The following AGMO variants were observed in gnomAD, a reference collection of about 807,000 sequenced individuals.
AGMO encodes glyceryl-ether monooxygenase.
Under a neutral mutation model 60.2 loss-of-function variants are expected in AGMO, and 75 were observed. That is an observed-to-expected ratio of 1.25 (90% CI 1.03 to 1.51). The LOEUF is 1.51. Ranked by LOEUF, AGMO falls within the 40% of genes most tolerant of loss-of-function variation. AGMO has a pLI of 0.00. For synonymous variants in AGMO, 261 were observed against 177.1 expected, an observed-to-expected ratio of 1.47 and a Z score of -3.76; for missense variants, 763 against 525.5, an observed-to-expected ratio of 1.45 and a Z score of -4.42.
intron 12 of AGMO, among the ~76,000 whole-genome samples, chr7:15,340,707 A>G (rs1241523612): frequency 6.6e-6 from 1 of 152,188 alleles, no homozygotes; most frequent in African/African-American, 2.4e-5. Flanking sequence ...ACCTCCACCT[A>G]GATTTCAGAG....
chr7:15,388,988 G>A (rs1212751207), intron 8 of AGMO, among the ~76,000 whole-genome samples: 1 of 152,146 alleles, frequency 6.6e-6, no homozygotes, highest in Non-Finnish European at 1.5e-5. Context: ...GTGATTTTCT[G>A]ACCACCATTC....
chr7:15,530,635 TATTTCTATATATATATTCTATATAC>T, intron 3 of AGMO, among the ~76,000 whole-genome samples: 2 of 138,026 alleles, frequency 1.4e-5, no homozygotes, highest in African/African-American at 5.2e-5. Context: ...TCTATATACG[TATTTCTATATATATATTCTATATAC>T]GTATTTCTAT....
intron 12 of AGMO, among the ~76,000 whole-genome samples, chr7:15,270,596 A>ATTTTTTTTT (rs527463907): frequency 7.7e-4 from 37 of 48,048 alleles, no homozygotes; most frequent in Admixed American, 1.1e-3. Flanking sequence ...TCTGTTGATA[A>ATTTTTTTTT]TTTTTTTTTT....
intron 4 of AGMO, among the ~76,000 whole-genome samples, chr7:15,430,279 A>G (rs911358096): frequency 5.3e-5 from 8 of 152,038 alleles, no homozygotes; most frequent in African/African-American, 1.9e-4. Context: ...AATATTAAGT[A>G]TGTATGATTA....
At chr7:15,546,872 T>C (rs573205847) in intron 2 of AGMO, among the ~76,000 whole-genome samples, 1 of 152,324 alleles carries the variant, frequency 6.6e-6, no homozygotes, top group Non-Finnish European at 1.5e-5. Context: ...CTGCTGACAT[T>C]TGGACAGGAT....
chr7:15,306,484 C>A (rs984266439), intron 12 of AGMO: 14 of 469,034 alleles, frequency 3.0e-5, no homozygotes, highest in African/African-American at 2.8e-4. Flanking sequence ...TGGTTTCCAG[C>A]TGTGAGACAG....
chr7:15,461,302 A>T (rs1004897888), intron 3 of AGMO, among the ~76,000 whole-genome samples: 7 of 151,676 alleles, frequency 4.6e-5, no homozygotes, highest in Non-Finnish European at 1.0e-4. Flanking sequence ...TTCCATATGT[A>T]AAAAAAACTT....
chr7:15,193,533 C>T, the AGMO span, among the ~76,000 whole-genome samples: 1 of 152,132 alleles, frequency 6.6e-6, no homozygotes. Context: ...AGAGTTAAAT[C>T]TCACTTGAAG....
chr7:15,197,053 GTTGT>G (rs969009965), downstream of AGMO, among the ~76,000 whole-genome samples: 25 of 151,486 alleles, frequency 1.7e-4, no homozygotes, highest in East Asian at 1.9e-4. Context: ...GTTTTTTGTT[GTTGT>G]TTTTTTTTTC....
At chr7:15,118,093 A>C in the AGMO span, among the ~76,000 whole-genome samples, 1 of 151,818 alleles carries the variant, frequency 6.6e-6, no homozygotes, top group Non-Finnish European at 1.5e-5. Flanking sequence ...TTGACCAACT[A>C]AATATCAATA....
intron 10 of AGMO, among the ~76,000 whole-genome samples, chr7:15,382,575 T>A (rs970938148): frequency 1.3e-5 from 2 of 152,184 alleles, no homozygotes; most frequent in African/African-American, 4.8e-5. Context: ...GTAGAAGTAT[T>A]GAATTTGCTG....
At chr7:15,404,820 C>A (rs970326722) in intron 5 of AGMO, among the ~76,000 whole-genome samples, 2 of 151,870 alleles carry the variant, frequency 1.3e-5, no homozygotes, top group South Asian at 4.1e-4. Flanking sequence ...TGCCAACCGA[C>A]TATGTGCCTG....
the AGMO span, among the ~76,000 whole-genome samples, chr7:15,165,189 T>C: frequency 3.3e-5 from 5 of 152,180 alleles, no homozygotes; most frequent in Non-Finnish European, 7.4e-5. Flanking sequence ...TGGGTACACA[T>C]GGACATACCA....
intron 12 of AGMO, among the ~76,000 whole-genome samples, chr7:15,228,954 A>G (rs1320807419): frequency 1.3e-5 from 2 of 152,150 alleles, no homozygotes; most frequent in African/African-American, 4.8e-5. Flanking sequence ...GGTTAAATTT[A>G]ATACAGCTAG....
At chr7:15,270,084 G>A (rs539982244) in intron 12 of AGMO, among the ~76,000 whole-genome samples, 3 of 152,112 alleles carry the variant, frequency 2.0e-5, no homozygotes, top group Admixed American at 2.0e-4. Context: ...AAATGCAGGT[G>A]TCTTTCTGAT....
At chr7:15,272,289 C>A (rs1167883950) in intron 12 of AGMO, among the ~76,000 whole-genome samples, 1 of 120,442 alleles carries the variant, frequency 8.3e-6, no homozygotes, top group African/African-American at 3.1e-5. Flanking sequence ...CTCCCCCCAC[C>A]CCACGACAGT....
intron 12 of AGMO, among the ~76,000 whole-genome samples, chr7:15,270,594 TAA>T (rs1310484518): frequency 1.0e-4 from 13 of 128,644 alleles, no homozygotes; most frequent in African/African-American, 3.7e-4. Context: ...AATCTGTTGA[TAA>T]TTTTTTTTTT....
chr7:15,348,098 T>G (rs1782098691), intron 12 of AGMO, among the ~76,000 whole-genome samples: 1 of 152,042 alleles, frequency 6.6e-6, no homozygotes, highest in Non-Finnish European at 1.5e-5. Context: ...CCCTTTATAT[T>G]AATGGTAATA....
At chr7:15,264,928 T>C (rs1783387786) in intron 12 of AGMO, among the ~76,000 whole-genome samples, 1 of 152,028 alleles carries the variant, frequency 6.6e-6, no homozygotes, top group Non-Finnish European at 1.5e-5. Context: ...ATCACACTAC[T>C]AGATATATAC....
Sources: gnomAD v4.1 joint callset for allele counts (sites outside exome capture counted in the v4.1 genomes callset) on GRCh38, gnomAD v4.1.1 for gene constraint, MANE v1.5 for transcripts, NCBI Gene and HGNC (gene_info 2026-07-23, HGNC 2026-07-21) for gene names.